C8orf34: variants seen among roughly 807,000 people sequenced by gnomAD.
The protein encoded by C8orf34 is chromosome 8 open reading frame 34, also known as uncharacterized protein C8orf34.
Under a neutral mutation model 68.3 loss-of-function variants are expected in C8orf34, and 65 were observed. The observed-to-expected ratio is 0.95, with a 90% CI of 0.78 to 1.17. C8orf34 has a LOEUF of 1.17. C8orf34 is among the 50% of genes most tolerant of loss of function. The pLI is 0.00. For synonymous variants in C8orf34, 244 were observed against 241.2 expected (o/e 1.01, Z -0.11); for missense variants, 664 against 655.4 (o/e 1.01, Z -0.14).
intron 7 of C8orf34, among the ~76,000 whole-genome samples, chr8:68,632,345 A>G (rs1818714234): frequency 6.6e-6 from 1 of 152,204 alleles, no homozygotes; most frequent in Non-Finnish European, 1.5e-5. Context: ...TAAGCAGCAA[A>G]GCATTCAAGA....
rs145246316 is a variant in C8orf34 at position 68,633,332 on chromosome 8, T to A, written c.1106-7044T>A. 9.4e-3 allele frequency among the ~76,000 whole-genome samples: 1,438 copies of A among 152,246 alleles called. 21 individuals carry two copies. Among genetic ancestry groups the A allele is most frequent in the Admixed American group, 0.042 (643 of 15,288 alleles). On this transcript the variant is annotated intron_variant, in intron 7 of 13. Coordinates refer to ENST00000518698, the MANE Select transcript of C8orf34 (RefSeq NM_052958.4). ...TGCCAAAAAACAATATCTGGCATTT[T>A]CCCCCCAACCTCAGTTGCTTTCTTA... is the stretch of plus-strand genomic sequence containing the variant.
chr8:68,585,818 G>A (rs747502177), intron 7 of C8orf34, among the ~76,000 whole-genome samples: 9 of 152,206 alleles, frequency 5.9e-5, no homozygotes, highest in South Asian at 4.2e-4. Context: ...ACAAGCAATC[G>A]AGGAGGAGAG....
At chr8:68,656,680 G>T (rs917972311) in intron 8 of C8orf34, among the ~76,000 whole-genome samples, 3 of 152,142 alleles carry the variant, frequency 2.0e-5, no homozygotes, top group African/African-American at 7.2e-5. Flanking sequence ...CAGCCCCACA[G>T]CTGCCTTGGT....
At position 68,331,108 on chromosome 8, in the gene C8orf34, T is replaced by C; in HGVS notation, c.96T>C (p.Ala32=). The C allele has an allele frequency of 1.3e-6, 2 of 1,499,380 alleles. No individual in the cohort carries two copies. The highest frequency in any genetic ancestry group is 1.8e-6 in the Non-Finnish European group (2 of 1,132,764). The allele number at this position is 1,499,380 out of a possible 1,614,324, so 92.9% of individuals were successfully genotyped here. Residue 32 remains alanine (A), a synonymous_variant, in exon 1 of 14, where the codon GCT becomes GCC. Coordinates refer to ENST00000518698, the MANE Select transcript of C8orf34 (RefSeq NM_052958.4). Reference sequence around the variant, plus strand: ...CCCACGCGCGCGTGGCTCCCCGGGCTGCCACCCACGCCCGCGGCCGGGGCC... The same window carrying C: ...CCCACGCGCGCGTGGCTCCCCGGGCCGCCACCCACGCCCGCGGCCGGGGCC... ...SAPHARVAPR[A]ATHARGRGRA... is the part of the protein sequence containing the mutation.
chr8:68,712,198 G>A (rs1467073432), intron 9 of C8orf34, among the ~76,000 whole-genome samples: 1 of 152,062 alleles, frequency 6.6e-6, no homozygotes, highest in East Asian at 1.9e-4. Context: ...TCTAAGTCCT[G>A]AAACAAATCC....
At chr8:68,400,206 T>G (rs974232269) in intron 1 of C8orf34, among the ~76,000 whole-genome samples, 1 of 152,196 alleles carries the variant, frequency 6.6e-6, no homozygotes, top group African/African-American at 2.4e-5. Context: ...TTTTGTTGCC[T>G]GTGCTTTTGA....
chr8:68,694,917 A>T (rs1820784097), intron 8 of C8orf34, among the ~76,000 whole-genome samples: 1 of 152,008 alleles, frequency 6.6e-6, no homozygotes. Flanking sequence ...TTTGTTATTA[A>T]CAAATTTCAG....
intron 9 of C8orf34, 99 bp downstream of exon 9, chr8:68,709,178 G>A (rs1821262052): frequency 1.2e-6 from 1 of 853,318 alleles, no homozygotes; most frequent in Non-Finnish European, 1.9e-6. Flanking sequence ...TGCCTTGCAT[G>A]AATTCACTGC....
intron 7 of C8orf34, among the ~76,000 whole-genome samples, chr8:68,590,793 G>A (rs1250052178): frequency 6.6e-6 from 1 of 152,168 alleles, no homozygotes; most frequent in African/African-American, 2.4e-5. Flanking sequence ...GCAGAGGCAA[G>A]TGTCTACTGA....
At chr8:68,448,354 T>A (rs1517117) in intron 3 of C8orf34, among the ~76,000 whole-genome samples, 90,871 of 151,962 alleles carry the variant, frequency 0.6, 27,286 homozygotes, top group East Asian at 0.67. Flanking sequence ...TACTTTTTTT[T>A]AAAAAATAGC....
At chr8:68,558,085 C>T (rs60940064) in intron 7 of C8orf34, among the ~76,000 whole-genome samples, 28,904 of 152,106 alleles carry the variant, frequency 0.19, 3,314 homozygotes, top group African/African-American at 0.32. Context: ...TCAGAAGGTA[C>T]TTCATCTGGC....
At chr8:68,745,028 C>T (rs1269108905) in intron 10 of C8orf34, among the ~76,000 whole-genome samples, 9 of 152,082 alleles carry the variant, frequency 5.9e-5, no homozygotes, top group African/African-American at 1.9e-4. Context: ...AGACTAACAG[C>T]GGATCTCTCG....
intron 7 of C8orf34, among the ~76,000 whole-genome samples, chr8:68,619,084 T>C (rs1818312677): frequency 6.6e-6 from 1 of 152,006 alleles, no homozygotes; most frequent in African/African-American, 2.4e-5. Context: ...TCCCAGCACT[T>C]TGGGAGGCTG....
chr8:68,674,331 G>A (rs1256351076), intron 8 of C8orf34, among the ~76,000 whole-genome samples: 1 of 152,066 alleles, frequency 6.6e-6, no homozygotes, highest in African/African-American at 2.4e-5. Context: ...CAATCTTGGA[G>A]AGAGAGAGAG....
Position 68,486,420 on chromosome 8 carries a change from C to A in C8orf34, c.737-1603C>A, listed in dbSNP as rs139900251. On this transcript the variant is annotated intron_variant, in intron 4 of 13. Transcript: ENST00000518698. Reference sequence around the variant, plus strand: ...GTTAAGCTTTGGTCACCCCAAATCCCTGAAATGGTAGTTAGACTCTCTTTT... The same window carrying A: ...GTTAAGCTTTGGTCACCCCAAATCCATGAAATGGTAGTTAGACTCTCTTTT... 1.7e-3 allele frequency among the ~76,000 whole-genome samples: 260 copies of A among 152,192 alleles called. 2 individuals are homozygous for A. Among genetic ancestry groups the A allele is most frequent in the African/African-American group, 6.1e-3 (252 of 41,522 alleles).
chr8:68,804,793 A>C (rs1364385899), intron 12 of C8orf34, among the ~76,000 whole-genome samples: 1 of 150,496 alleles, frequency 6.6e-6, no homozygotes, highest in African/African-American at 2.5e-5. Context: ...ATAAATAAAT[A>C]AACAAACAAA....
chr8:68,800,367 G>GT (rs983855702), intron 12 of C8orf34, among the ~76,000 whole-genome samples: 3 of 151,872 alleles, frequency 2.0e-5, no homozygotes, highest in South Asian at 2.1e-4. Context: ...AGTAATTTGG[G>GT]TTTTTTTTAA....
rs932413153 is a variant in C8orf34 at position 68,577,969 on chromosome 8, T to C, written c.1105+44820T>C. 6.6e-5 allele frequency among the ~76,000 whole-genome samples: 10 copies of C among 152,038 alleles called. No homozygotes were observed. In the South Asian group the frequency reaches 2.1e-3, roughly 32 times the overall value. ...ATTATAAGAGATTGTTGTCCTCTTC[T>C]GTGTACTTATGTGTATTTTCCATTT... On this transcript the variant is annotated intron_variant, in intron 7 of 13. Transcript: ENST00000518698.
intron 4 of C8orf34, among the ~76,000 whole-genome samples, chr8:68,475,166 G>A (rs973983275): frequency 2.0e-5 from 3 of 152,078 alleles, no homozygotes. Flanking sequence ...TCCTTCCACT[G>A]CTTCCCTCTT....
Sources: gnomAD v4.1 joint callset for allele counts (sites outside exome capture counted in the v4.1 genomes callset) on GRCh38, gnomAD v4.1.1 for gene constraint, MANE v1.5 for transcripts, NCBI Gene and HGNC (gene_info 2026-07-23, HGNC 2026-07-21) for gene names.